The following NUP160 variants were observed in gnomAD, a reference collection of about 807,000 sequenced individuals.
NUP160 encodes nuclear pore complex protein Nup160.
A neutral mutation model predicts 196.9 loss-of-function variants in NUP160; 94 were observed. The observed-to-expected ratio is 0.48, with a 90% CI of 0.40 to 0.57. The LOEUF (loss-of-function observed/expected upper bound fraction) is 0.57. Among genes scored for constraint, NUP160 ranks in the 20% least tolerant of loss-of-function variants. The probability of loss-of-function intolerance (pLI) is 0.00; values close to 1 mark genes in which losing one functional copy is unlikely to be tolerated. For synonymous variants in NUP160, 605 were observed against 619.7 expected, an observed-to-expected ratio of 0.98 and a Z score of 0.35; for missense variants, 1,638 against 1,748.3, an observed-to-expected ratio of 0.94 and a Z score of 1.13.
At chr11:47,782,851 G>A (rs1350280217) in intron 34 of NUP160, among the ~76,000 whole-genome samples, 2 of 152,118 alleles carry the variant, frequency 1.3e-5, no homozygotes, top group Non-Finnish European at 2.9e-5. Flanking sequence ...TAGAGACGGG[G>A]CTTTGCCATG....
rs1484127653 is a variant in NUP160 at position 47,839,941 on chromosome 11, G to C, written c.650C>G (p.Ser217Cys). The C allele has an allele frequency of 1.9e-6, 3 of 1,614,212 alleles. No homozygotes were observed. Among genetic ancestry groups the C allele is most frequent in the Admixed American group, 1.7e-5 (1 of 60,018 alleles). ...CCCATCACTGCTGAGCCAGGCTGTA[G>C]AGGCGGTGGAATTAGGAGATATTCC... Residue 217 changes from serine to cysteine, a missense_variant, in exon 4 of 36, where the codon TCT (serine) becomes TGT (cysteine). By Grantham distance (112) the Ser-to-Cys change is moderately radical. Coordinates refer to ENST00000378460, the Ensembl canonical transcript of NUP160.
intron 13 of NUP160, among the ~76,000 whole-genome samples, chr11:47,814,442 T>C (rs1280563890): frequency 6.6e-6 from 1 of 150,800 alleles, no homozygotes; most frequent in Non-Finnish European, 1.5e-5. Context: ...CTCTGGAGGA[T>C]AGGCAGGAGA....
chr11:47,809,556 C>G (rs1281727370), intron 17 of NUP160, among the ~76,000 whole-genome samples: 2 of 151,904 alleles, frequency 1.3e-5, no homozygotes, highest in Admixed American at 1.3e-4. Flanking sequence ...CGAGACCAGT[C>G]TGGCCAATAT....
At position 47,798,455 on chromosome 11, in the gene NUP160, T is replaced by G. The variant is rs749237864; in HGVS notation, c.2904A>C (p.Arg968=). Residue 968 remains arginine (R), a synonymous_variant, in exon 24 of 36, where the codon CGA becomes CGC. Coordinates refer to ENST00000378460, the Ensembl canonical transcript of NUP160. Reference sequence around the variant, plus strand: ...CAGGCAAACCAATGACATCTAGTAGTCGTAAAACCTAACGAGAAATAGAAG... The same window carrying G: ...CAGGCAAACCAATGACATCTAGTAGGCGTAAAACCTAACGAGAAATAGAAG... 2.1e-5 allele frequency: 33 copies of G among 1,568,500 alleles called. No homozygotes were observed. The South Asian group carries it at 3.7e-4, about 18-fold the overall frequency.
At chr11:47,812,452 C>G in intron 15 of NUP160, 23 bp from the exon 16 acceptor site, 1 of 1,604,150 alleles carries the variant, frequency 6.2e-7, no homozygotes, top group Non-Finnish European at 8.5e-7. Context: ...TTACAAAACT[C>G]TTATTACTAC....
exon 28 of NUP160, chr11:47,792,934 A>G (rs1340021061): frequency 6.2e-7 from 1 of 1,612,396 alleles, no homozygotes; most frequent in Non-Finnish European, 8.5e-7. Context: ...ATACTCAAAC[A>G]TCACTGTGCC....
At chr11:47,799,964 T>C (rs2097673183) in intron 23 of NUP160, among the ~76,000 whole-genome samples, 1 of 152,140 alleles carries the variant, frequency 6.6e-6, no homozygotes, top group Non-Finnish European at 1.5e-5. Context: ...ATATAAAAAG[T>C]ACAGCATGGC....
chr11:47,803,923 T>A (rs1011115758), intron 21 of NUP160, among the ~76,000 whole-genome samples: 4 of 151,992 alleles, frequency 2.6e-5, no homozygotes, highest in African/African-American at 9.7e-5. Flanking sequence ...CGGTGGCTCA[T>A]GCCTGTAATC....
At chr11:47,836,022 G>T (rs1266692009) in intron 6 of NUP160, among the ~76,000 whole-genome samples, 1 of 152,148 alleles carries the variant, frequency 6.6e-6, no homozygotes, top group Admixed American at 6.5e-5. Context: ...CGAGGTGGGT[G>T]GATAACCTGA....
Position 47,804,416 on chromosome 11 carries a change from G to C in NUP160, c.2676+133C>G. ...ATAGAAATAGAGAACAATCTCTTTG[G>C]GGTATGTCTTCACATAATCAAGTTT... is the stretch of plus-strand genomic sequence containing the variant. On this transcript the variant is annotated intron_variant, in intron 21 of 35. Coordinates refer to ENST00000378460, the Ensembl canonical transcript of NUP160. 3 of 631,444 alleles carry C rather than the reference G, an allele frequency of 4.8e-6. No individual in the cohort carries two copies. The South Asian group carries it at 6.3e-5, about 13-fold the overall frequency. 39.1% of individuals were successfully genotyped at this position (631,444 alleles called of 1,614,324 possible).
chr11:47,796,004 A>G (rs1160691231), intron 27 of NUP160, among the ~76,000 whole-genome samples: 1 of 151,976 alleles, frequency 6.6e-6, no homozygotes, highest in East Asian at 1.9e-4. Context: ...ATATAAAAAA[A>G]TTAACCGGGC....
intron 33 of NUP160, among the ~76,000 whole-genome samples, chr11:47,784,156 G>A (rs766810085): frequency 1.3e-5 from 2 of 152,150 alleles, no homozygotes; most frequent in Non-Finnish European, 2.9e-5. Flanking sequence ...ACTTTAGCAT[G>A]CATCAAAATC....
At chr11:47,835,730 CCAGTTCCAG>C in exon 7 of NUP160, 1 of 1,606,660 alleles carries the variant, frequency 6.2e-7, no homozygotes, top group Non-Finnish European at 8.5e-7. Flanking sequence ...TAATTTGTGT[CCAGTTCCAG>C]CAGTAAGCCG....
intron 13 of NUP160, 25 bp from the exon 14 acceptor site, chr11:47,813,440 C>T: frequency 6.8e-7 from 1 of 1,468,890 alleles, no homozygotes; most frequent in Non-Finnish European, 9.5e-7. Context: ...TTTCCAGTTA[C>T]ATTTTTGTCA....
chr11:47,825,352 G>A (rs183454897), intron 7 of NUP160, among the ~76,000 whole-genome samples: 2 of 150,648 alleles, frequency 1.3e-5, no homozygotes, highest in African/African-American at 4.9e-5. Context: ...GTGTGATCTC[G>A]GCTCACTGCA....
At chr11:47,801,374 G>A (rs1317576244) in intron 23 of NUP160, among the ~76,000 whole-genome samples, 5 of 151,116 alleles carry the variant, frequency 3.3e-5, no homozygotes, top group African/African-American at 1.2e-4. Flanking sequence ...TTTTGGAGAC[G>A]GAGTCTCGCT....
chr11:47,781,053 C>T (rs1327453634), intron 34 of NUP160, among the ~76,000 whole-genome samples: 2 of 151,456 alleles, frequency 1.3e-5, no homozygotes, highest in African/African-American at 2.4e-5. Context: ...GGTGAAACCC[C>T]GTCTCTACTA....
At chr11:47,812,741 T>C (rs537885750) in intron 15 of NUP160, 141 bp downstream of exon 15, 2 of 645,976 alleles carry the variant, frequency 3.1e-6, no homozygotes, top group Non-Finnish European at 5.1e-6. Flanking sequence ...AAAGTAGAAA[T>C]ATGTACTTAG....
Position 47,786,482 on chromosome 11 carries a change from G to T in NUP160, c.3819C>A (p.Leu1273=), listed in dbSNP as rs1381477206. The T allele has an allele frequency of 5.0e-6, 8 of 1,613,880 alleles. No homozygotes were observed. In the East Asian group the frequency reaches 1.6e-4, roughly 31 times the overall value. Residue 1273 remains leucine, a synonymous_variant, in exon 32 of 36, where the codon CTC becomes CTA. Transcript: ENST00000378460. ...ACTCCTTAGTAGTGATGACAGATGAGAGCTGATTGGCTGCTAGCCAGGCCC... is the reference window on the plus strand; with the variant it reads ...ACTCCTTAGTAGTGATGACAGATGATAGCTGATTGGCTGCTAGCCAGGCCC...
Sources: allele counts gnomAD v4.1 joint callset (sites outside exome capture counted in the v4.1 genomes callset), GRCh38; gene constraint gnomAD v4.1.1; transcripts MANE v1.5; gene names NCBI Gene and HGNC (gene_info 2026-07-23, HGNC 2026-07-21).